CAMKMT: variants seen among roughly 807,000 people sequenced by gnomAD.
CAMKMT encodes the protein calmodulin-lysine N-methyltransferase, also known as CaM KMT.
CAMKMT carries 53 observed loss-of-function variants against 48.0 expected under a neutral mutation model. That is an observed-to-expected ratio of 1.10 (90% confidence interval 0.89 to 1.39). The LOEUF (loss-of-function observed/expected upper bound fraction) is 1.39. Among genes scored for constraint, CAMKMT ranks in the 40% most tolerant of loss-of-function variants. CAMKMT has a pLI of 0.00. For synonymous variants in CAMKMT, 165 were observed against 152.3 expected, an observed-to-expected ratio of 1.08 and a Z score of -0.61; for missense variants, 428 against 402.7, an observed-to-expected ratio of 1.06 and a Z score of -0.54.
At chr2:44,500,554 G>A (rs1369325393) in intron 3 of CAMKMT, among the ~76,000 whole-genome samples, 1 of 151,808 alleles carries the variant, frequency 6.6e-6, no homozygotes, top group Admixed American at 6.6e-5. Flanking sequence ...ATATATTTAT[G>A]TTGATTAGAT....
At chr2:44,431,274 A>G (rs1256577163) in intron 3 of CAMKMT, among the ~76,000 whole-genome samples, 1 of 152,148 alleles carries the variant, frequency 6.6e-6, no homozygotes, top group East Asian at 1.9e-4. Flanking sequence ...GGGGTAAATT[A>G]ACTTTGTATT....
At chr2:44,423,002 C>CTTCA (rs1684033097) in intron 3 of CAMKMT, among the ~76,000 whole-genome samples, 1 of 152,246 alleles carries the variant, frequency 6.6e-6, no homozygotes, top group African/African-American at 2.4e-5. Context: ...TCTTTCTCAT[C>CTTCA]TTCACTCTGT....
intron 3 of CAMKMT, among the ~76,000 whole-genome samples, chr2:44,700,932 A>G (rs1222322016): frequency 1.3e-5 from 2 of 152,216 alleles, no homozygotes; most frequent in African/African-American, 4.8e-5. Context: ...TATTGCCTGT[A>G]TAACGTTTTC....
At chr2:44,436,156 A>C (rs1246424185) in intron 3 of CAMKMT, among the ~76,000 whole-genome samples, 1 of 151,908 alleles carries the variant, frequency 6.6e-6, no homozygotes, top group Non-Finnish European at 1.5e-5. Context: ...GCTCACTGCA[A>C]CCTCCACCTC....
At chr2:44,590,604 G>C (rs971155602) in intron 3 of CAMKMT, among the ~76,000 whole-genome samples, 4 of 152,094 alleles carry the variant, frequency 2.6e-5, no homozygotes, top group Non-Finnish European at 4.4e-5. Flanking sequence ...TGATGGGGTT[G>C]TTTGTTTTTT....
chr2:44,563,537 A>G (rs574729360), intron 3 of CAMKMT, among the ~76,000 whole-genome samples: 13 of 151,950 alleles, frequency 8.6e-5, no homozygotes, highest in African/African-American at 2.9e-4. Context: ...GGTTTGTTAC[A>G]TATGTATACA....
chr2:44,699,745 G>A (rs952928851), intron 3 of CAMKMT, among the ~76,000 whole-genome samples: 10 of 152,070 alleles, frequency 6.6e-5, no homozygotes, highest in Admixed American at 3.3e-4. Flanking sequence ...TGAGTAGCCC[G>A]ATAGGCACCT....
In CAMKMT at chr2:44,553,641, G is replaced by C. The variant is rs564047926; in HGVS notation, c.377-150642G>C. The stretch of plus-strand genomic sequence containing the variant: ...TTCCCAAAGTGCTAGAATTACAGTT[G>C]TGAGACACCGTACTTGGCCACGTTT... On this transcript the variant is annotated intron_variant, in intron 3 of 10. Transcript: ENST00000378494. Among the ~76,000 whole-genome samples, 16 of 152,312 alleles carry C rather than the reference G, an allele frequency of 1.1e-4. No individual in the cohort carries two copies. The South Asian group carries it at 3.3e-3, about 32-fold the overall frequency.
At chr2:44,546,348 G>C (rs1055914628) in intron 3 of CAMKMT, among the ~76,000 whole-genome samples, 7 of 152,164 alleles carry the variant, frequency 4.6e-5, no homozygotes, top group Non-Finnish European at 7.3e-5. Flanking sequence ...GGTCACTTGT[G>C]TGATGCATCT....
chr2:44,638,652 C>T (rs1003120003), intron 3 of CAMKMT, among the ~76,000 whole-genome samples: 1 of 152,146 alleles, frequency 6.6e-6, no homozygotes, highest in Non-Finnish European at 1.5e-5. Flanking sequence ...GATTTGTTTT[C>T]TTTTATGAGT....
At chr2:44,420,920 G>A (rs1165957621) in intron 3 of CAMKMT, among the ~76,000 whole-genome samples, 2 of 151,024 alleles carry the variant, frequency 1.3e-5, no homozygotes, top group Admixed American at 6.6e-5. Flanking sequence ...AGAGCTTTTC[G>A]CTATTGTTCA....
intron 3 of CAMKMT, among the ~76,000 whole-genome samples, chr2:44,409,121 A>T (rs1451296714): frequency 5.3e-4 from 2 of 3,796 alleles, no homozygotes; most frequent in Non-Finnish European, 1.2e-3. Context: ...ATATATATAT[A>T]TATATATATA....
In CAMKMT at chr2:44,578,962, C is replaced by G. The variant is rs188160118; in HGVS notation, c.377-125321C>G. Among the ~76,000 whole-genome samples, 234 of 152,248 alleles carry G rather than the reference C, an allele frequency of 1.5e-3. 3 individuals are homozygous for G. The highest frequency in any genetic ancestry group is 5.6e-3 in the South Asian group (27 of 4,824). ...CATTGTGTATTGGAATAAATAATGT[C>G]TCAAAGTTTACGCAGTGGTGGAAGT... On this transcript the variant is annotated intron_variant, in intron 3 of 10. Coordinates refer to ENST00000378494, the MANE Select transcript of CAMKMT (RefSeq NM_024766.5).
intron 9 of CAMKMT, among the ~76,000 whole-genome samples, chr2:44,757,405 A>G (rs113774733): frequency 1.1e-4 from 17 of 152,306 alleles, no homozygotes; most frequent in African/African-American, 4.1e-4. Flanking sequence ...CTTAGGCCCA[A>G]ATCTGGTCTC....
chr2:44,582,768 A>G (rs1669634334), intron 3 of CAMKMT, among the ~76,000 whole-genome samples: 1 of 152,210 alleles, frequency 6.6e-6, no homozygotes, highest in Admixed American at 6.5e-5. Flanking sequence ...GAGTTGAGAT[A>G]TTTAGTAGTT....
At chr2:44,549,801 C>T (rs1487773197) in intron 3 of CAMKMT, 1 of 416,314 alleles carries the variant, frequency 2.4e-6, no homozygotes, top group Admixed American at 4.0e-5. Context: ...AGAACAAAGA[C>T]ATAGGGGGCT....
intron 3 of CAMKMT, among the ~76,000 whole-genome samples, chr2:44,542,966 G>A (rs1422129904): frequency 6.6e-6 from 1 of 152,078 alleles, no homozygotes; most frequent in Non-Finnish European, 1.5e-5. Flanking sequence ...CTATTATTAA[G>A]CTTTTAACAG....
At chr2:44,700,164 C>A (rs548822633) in intron 3 of CAMKMT, among the ~76,000 whole-genome samples, 2 of 152,196 alleles carry the variant, frequency 1.3e-5, no homozygotes, top group African/African-American at 2.4e-5. Flanking sequence ...CTGCAGATTC[C>A]TCACCTTCAG....
intron 3 of CAMKMT, among the ~76,000 whole-genome samples, chr2:44,454,765 A>G (rs1468428231): frequency 6.6e-6 from 1 of 152,146 alleles, no homozygotes; most frequent in Non-Finnish European, 1.5e-5. Flanking sequence ...CTTTCATGTT[A>G]GGTCACTACT....
Sources: gnomAD v4.1 joint callset for allele counts (sites outside exome capture counted in the v4.1 genomes callset) on GRCh38, gnomAD v4.1.1 for gene constraint, MANE v1.5 for transcripts, NCBI Gene and HGNC (gene_info 2026-07-23, HGNC 2026-07-21) for gene names.